Variants in OXSR1 observed in about 807,000 individuals in gnomAD.
OXSR1 encodes the protein oxidative stress responsive kinase 1.
A neutral mutation model predicts 79.8 loss-of-function variants in OXSR1; 24 were observed. That is an observed-to-expected ratio of 0.30 (90% CI 0.22 to 0.42). The LOEUF is 0.42. Ranked by LOEUF, OXSR1 falls within the 10% of genes least tolerant of loss-of-function variation. The pLI is 1.00. For missense variants in OXSR1, 430 were observed against 618.4 expected (o/e 0.70, Z 3.23); for synonymous variants, 226 against 209.2 (o/e 1.08, Z -0.69).
At chr3:38,196,174 C>A (rs1254078049) in intron 3 of OXSR1, among the ~76,000 whole-genome samples, 2 of 152,180 alleles carry the variant, frequency 1.3e-5, no homozygotes, top group African/African-American at 4.8e-5. Context: ...GGACAAAATA[C>A]TACATACGCG....
chr3:38,252,360 C>T lies in OXSR1; in HGVS notation c.1477C>T (p.Pro493Ser), dbSNP rs887320930. The T allele has an allele frequency of 5.0e-6, 8 of 1,612,152 alleles. No homozygotes were observed. In the African/African-American group the frequency reaches 9.4e-5, roughly 19 times the overall value. Residue 493 changes from proline (P) to serine (S), a missense_variant, in exon 17 of 18, where the codon CCT becomes TCT. By Grantham distance (74) the Pro-to-Ser change is moderately conservative. Around this residue, in one of 3 missense-constraint regions of OXSR1, gnomAD observed 276 missense variants for 354.2 expected, o/e 0.78. Transcript: ENST00000311806. Reference sequence around the variant, plus strand: ...TAATTTGCAGAAAATTGTGGAAGAACCTCAGTCAAATCGATCTGTCACTTT... The same window carrying T: ...TAATTTGCAGAAAATTGTGGAAGAATCTCAGTCAAATCGATCTGTCACTTT... ...AANLQKIVEE[P>S]QSNRSVTFKL...
intron 6 of OXSR1, among the ~76,000 whole-genome samples, chr3:38,222,611 T>C (rs1361985636): frequency 6.6e-6 from 1 of 152,184 alleles, no homozygotes; most frequent in African/African-American, 2.4e-5. Flanking sequence ...CCAAACCTAT[T>C]TCTCCTATAT....
At chr3:38,244,896 C>T (rs1703109694) in intron 12 of OXSR1, among the ~76,000 whole-genome samples, 1 of 152,068 alleles carries the variant, frequency 6.6e-6, no homozygotes, top group Admixed American at 6.6e-5. Context: ...GAGGCTGCAC[C>T]ATTTTACGTG....
intron 11 of OXSR1, among the ~76,000 whole-genome samples, chr3:38,240,448 ATG>A (rs921245354): frequency 1.4e-5 from 2 of 141,302 alleles, no homozygotes; most frequent in African/African-American, 2.6e-5. Flanking sequence ...ATGTGTGTGA[ATG>A]TGTGTGTGCG....
At chr3:38,226,700 C>G (rs1702695836) in intron 8 of OXSR1, among the ~76,000 whole-genome samples, 1 of 151,748 alleles carries the variant, frequency 6.6e-6, no homozygotes, top group South Asian at 2.1e-4. Flanking sequence ...TCAGACAAAC[C>G]CAAATCGAGG....
At chr3:38,222,339 C>T (rs537983109) in intron 6 of OXSR1, among the ~76,000 whole-genome samples, 19 of 152,234 alleles carry the variant, frequency 1.2e-4, no homozygotes, top group African/African-American at 4.6e-4. Flanking sequence ...CTTTGTAGTA[C>T]CAGCAGATTG....
intron 5 of OXSR1, among the ~76,000 whole-genome samples, chr3:38,217,635 C>G (rs908548236): frequency 2.0e-5 from 3 of 152,142 alleles, no homozygotes; most frequent in Non-Finnish European, 2.9e-5. Context: ...TCAAAAGATT[C>G]TTGTGCCTCA....
chr3:38,202,385 C>CT (rs751983209), intron 4 of OXSR1, among the ~76,000 whole-genome samples: 31 of 151,606 alleles, frequency 2.0e-4, no homozygotes, highest in Admixed American at 2.6e-4. Flanking sequence ...AGGGAAATGA[C>CT]TTTTTTTTTC....
intron 11 of OXSR1, among the ~76,000 whole-genome samples, chr3:38,242,131 C>A (rs1703047938): frequency 6.6e-6 from 1 of 152,046 alleles, no homozygotes; most frequent in African/African-American, 2.4e-5. Flanking sequence ...TGGTTTACAC[C>A]AGATATTTGA....
chr3:38,209,096 A>AT (rs1021517563), intron 4 of OXSR1, among the ~76,000 whole-genome samples: 83 of 147,170 alleles, frequency 5.6e-4, no homozygotes, highest in South Asian at 1.9e-3. Context: ...TAGTAGTCTG[A>AT]TTTTTTTTTT....
chr3:38,245,825 G>A (rs911689659), intron 12 of OXSR1, among the ~76,000 whole-genome samples: 2 of 152,058 alleles, frequency 1.3e-5, no homozygotes, highest in African/African-American at 4.8e-5. Flanking sequence ...TACAAAAATC[G>A]CCAAATTGTA....
chr3:38,201,597 C>T (rs562655819), intron 4 of OXSR1, among the ~76,000 whole-genome samples: 1 of 152,194 alleles, frequency 6.6e-6, no homozygotes, highest in South Asian at 2.1e-4. Context: ...GTAGTCCTAG[C>T]TACTCAGGAG....
At chr3:38,225,590 TAA>T (rs990129806) in intron 8 of OXSR1, among the ~76,000 whole-genome samples, 1 of 152,032 alleles carries the variant, frequency 6.6e-6, no homozygotes, top group South Asian at 2.1e-4. Context: ...TGTTTCTGAG[TAA>T]ACAGTTAAAA....
intron 10 of OXSR1, among the ~76,000 whole-genome samples, chr3:38,232,188 G>C (rs1702822941): frequency 6.6e-6 from 1 of 152,124 alleles, no homozygotes; most frequent in Admixed American, 6.6e-5. Context: ...GGGAGGCTGA[G>C]GTGGGAGGAT....
Position 38,209,911 on chromosome 3 carries a change from C to T in OXSR1, c.435-6185C>T, listed in dbSNP as rs964074612. On this transcript the variant is annotated intron_variant, in intron 4 of 17. Transcript: ENST00000311806. Reference sequence around the variant, plus strand: ...TGCTGGGATTACAGGCGTGAGCCACCGTGCCCCGGCCAAGAAGTTCTTTTA... The same window carrying T: ...TGCTGGGATTACAGGCGTGAGCCACTGTGCCCCGGCCAAGAAGTTCTTTTA... Among the ~76,000 whole-genome samples, 4 of 152,190 alleles carry T rather than the reference C, an allele frequency of 2.6e-5. No homozygotes were observed. The East Asian group carries it at 5.8e-4, about 22-fold the overall frequency.
In OXSR1 at chr3:38,224,982, A is replaced by G. The variant is rs28405716; in HGVS notation, c.836+278A>G. 0.15 allele frequency: 26,816 copies of G among 184,022 alleles called. 2,797 individuals carry two copies. Among genetic ancestry groups the G allele is most frequent in the African/African-American group, 0.32 (13,508 of 42,748 alleles). 11.4% of individuals were successfully genotyped at this position (184,022 alleles called of 1,614,324 possible). On this transcript the variant is annotated intron_variant, in intron 8 of 17. Transcript: ENST00000311806. Reference sequence around the variant, plus strand: ...TAATAAATGCCAAGTTAGTGGAGAGATTTGTTTTTAATTTGCATTTAAAAT... The same window carrying G: ...TAATAAATGCCAAGTTAGTGGAGAGGTTTGTTTTTAATTTGCATTTAAAAT...
In OXSR1 at chr3:38,200,649, A is replaced by G. The variant is rs572878669; in HGVS notation, c.434+1786A>G. Reference sequence around the variant, plus strand: ...AATGGAGACAATTTTATTTAAATCTATTTTGTTCCTGAGTTCAGATTCTGA... The same window carrying G: ...AATGGAGACAATTTTATTTAAATCTGTTTTGTTCCTGAGTTCAGATTCTGA... On this transcript the variant is annotated intron_variant, in intron 4 of 17. Coordinates refer to ENST00000311806, the MANE Select transcript of OXSR1 (RefSeq NM_005109.3). Among the ~76,000 whole-genome samples, 79 of 152,266 alleles carry G rather than the reference A, an allele frequency of 5.2e-4. 1 individual carries two copies. Among genetic ancestry groups the G allele is most frequent in the Admixed American group, 4.3e-3 (66 of 15,298 alleles).
chr3:38,181,784 T>C (rs1701791183), intron 1 of OXSR1, among the ~76,000 whole-genome samples: 1 of 152,132 alleles, frequency 6.6e-6, no homozygotes, highest in African/African-American at 2.4e-5. Flanking sequence ...CTTTTTTCTT[T>C]TCTCATTCAC....
chr3:38,184,898 C>A, intron 2 of OXSR1, among the ~76,000 whole-genome samples: 1 of 38,600 alleles, frequency 2.6e-5, no homozygotes, highest in East Asian at 8.8e-4. Flanking sequence ...GTAGAAAGAA[C>A]ATTTCTTTTT....
Sources: gnomAD v4.1 joint callset for allele counts (sites outside exome capture counted in the v4.1 genomes callset) on GRCh38, gnomAD v4.1.1 for gene constraint, gnomAD v4.1.1 regional missense constraint, MANE v1.5 for transcripts, NCBI Gene and HGNC (gene_info 2026-07-23, HGNC 2026-07-21) for gene names.